SCFD2: variants seen among roughly 807,000 people sequenced by gnomAD.
The protein encoded by SCFD2 is sec1 family domain-containing protein 2.
Under a neutral mutation model 58.9 loss-of-function variants are expected in SCFD2, and 54 were observed. The ratio of observed to expected loss-of-function variants is 0.92; its 90% confidence interval spans 0.74 to 1.15. SCFD2 has a LOEUF of 1.15. Among genes scored for constraint, SCFD2 ranks in the 50% most tolerant of loss-of-function variants. The pLI is 0.00. For synonymous variants in SCFD2, 321 were observed against 335.9 expected (o/e 0.96, Z 0.49); for missense variants, 805 against 836.6 (o/e 0.96, Z 0.47).
At chr4:52,936,064 C>A (rs1035483463) in intron 5 of SCFD2, among the ~76,000 whole-genome samples, 1 of 151,952 alleles carries the variant, frequency 6.6e-6, no homozygotes, top group Non-Finnish European at 1.5e-5. Context: ...CTCAAACTCC[C>A]GACCTCAGAT....
chr4:53,084,963 CT>C (rs917678468), intron 5 of SCFD2, among the ~76,000 whole-genome samples: 2 of 152,154 alleles, frequency 1.3e-5, no homozygotes, highest in Non-Finnish European at 2.9e-5. Flanking sequence ...AGCCTTTCCT[CT>C]AAGATCTGGA....
intron 4 of SCFD2, among the ~76,000 whole-genome samples, chr4:53,161,837 A>G (rs1289853094): frequency 6.6e-6 from 1 of 152,198 alleles, no homozygotes; most frequent in African/African-American, 2.4e-5. Flanking sequence ...TCATCAATCA[A>G]TTACAATGAT....
In SCFD2 at chr4:52,931,516, C is replaced by T. The variant is rs538555891; in HGVS notation, c.1562-10646G>A. Among the ~76,000 whole-genome samples, 12 of 152,334 alleles carry T rather than the reference C, an allele frequency of 7.9e-5. No homozygotes were observed. In the South Asian group the frequency reaches 2.3e-3, roughly 29 times the overall value. ...TTTGCTTACTTCTTGTTTCCCACCACCCCCCTCCGCCTCCGGGTGGGGAGT... is the reference window on the plus strand; with the variant it reads ...TTTGCTTACTTCTTGTTTCCCACCATCCCCCTCCGCCTCCGGGTGGGGAGT... On this transcript the variant is annotated intron_variant, in intron 5 of 8. Transcript: ENST00000401642.
At chr4:53,031,121 G>C (rs1281600877) in intron 5 of SCFD2, among the ~76,000 whole-genome samples, 1 of 152,138 alleles carries the variant, frequency 6.6e-6, no homozygotes. Context: ...GCCTCCACTG[G>C]TGATACCCAG....
chr4:53,360,166 A>G (rs1241298485), intron 1 of SCFD2, among the ~76,000 whole-genome samples: 2 of 152,236 alleles, frequency 1.3e-5, no homozygotes, highest in East Asian at 1.9e-4. Flanking sequence ...CTGAAAATCA[A>G]TCCTGTATAT....
At chr4:53,246,840 T>A (rs1226309044) in intron 4 of SCFD2, among the ~76,000 whole-genome samples, 2 of 151,298 alleles carry the variant, frequency 1.3e-5, no homozygotes, top group African/African-American at 2.4e-5. Flanking sequence ...AAGAAAAAAA[T>A]TATAAATGGG....
chr4:53,253,707 A>T (rs1730487071), intron 4 of SCFD2, among the ~76,000 whole-genome samples: 1 of 130,312 alleles, frequency 7.7e-6, no homozygotes, highest in African/African-American at 2.9e-5. Context: ...CATGGACACC[A>T]GAAGGGGAAC....
intron 2 of SCFD2, among the ~76,000 whole-genome samples, chr4:53,343,975 A>G (rs1279747376): frequency 6.6e-6 from 1 of 152,198 alleles, no homozygotes; most frequent in Non-Finnish European, 1.5e-5. Flanking sequence ...ATCTATGACA[A>G]ACCCACAGCC....
At chr4:53,119,576 C>T (rs887287817) in intron 5 of SCFD2, among the ~76,000 whole-genome samples, 2 of 152,118 alleles carry the variant, frequency 1.3e-5, no homozygotes, top group Admixed American at 1.3e-4. Context: ...CTTAAAACTC[C>T]TGTGGTTTGA....
chr4:53,111,247 G>C (rs1312912859), intron 5 of SCFD2, among the ~76,000 whole-genome samples: 1 of 152,018 alleles, frequency 6.6e-6, no homozygotes, highest in African/African-American at 2.4e-5. Flanking sequence ...GTGATGGGTT[G>C]ATGGGTCCAG....
chr4:52,880,292 T>A (rs954664766), intron 8 of SCFD2, among the ~76,000 whole-genome samples: 2 of 152,066 alleles, frequency 1.3e-5, no homozygotes, highest in Admixed American at 6.5e-5. Context: ...AAACTATTTT[T>A]TTTTTTTTTA....
chr4:52,959,137 T>C lies in SCFD2; in HGVS notation c.1562-38267A>G, dbSNP rs187437265. ...GTCCATATGTTTAACCACTATGCTA[T>C]GATGCCTCTTACAAGACAGGCAGAC... On this transcript the variant is annotated intron_variant, in intron 5 of 8. Transcript: ENST00000401642. 5.3e-5 allele frequency among the ~76,000 whole-genome samples: 8 copies of C among 152,312 alleles called. No homozygotes were observed. The East Asian group carries it at 1.5e-3, about 29-fold the overall frequency.
chr4:53,206,850 AAAATT>A (rs1354730459), intron 4 of SCFD2, among the ~76,000 whole-genome samples: 1 of 152,144 alleles, frequency 6.6e-6, no homozygotes, highest in African/African-American at 2.4e-5. Context: ...TTGCCTGCTA[AAAATT>A]AAATTAACAG....
intron 6 of SCFD2, among the ~76,000 whole-genome samples, chr4:52,919,263 T>C (rs1316107550): frequency 6.6e-6 from 1 of 152,238 alleles, no homozygotes; most frequent in Non-Finnish European, 1.5e-5. Context: ...CTTTGCCAAC[T>C]ACACCAGCCA....
At chr4:53,336,015 G>A (rs1203236107) in intron 2 of SCFD2, among the ~76,000 whole-genome samples, 1 of 152,126 alleles carries the variant, frequency 6.6e-6, no homozygotes, top group Non-Finnish European at 1.5e-5. Context: ...TATATTTAAA[G>A]CACGGGGATC....
intron 5 of SCFD2, among the ~76,000 whole-genome samples, chr4:53,098,989 C>G (rs1330458039): frequency 6.6e-6 from 1 of 152,150 alleles, no homozygotes; most frequent in African/African-American, 2.4e-5. Flanking sequence ...TTGGCTGTCT[C>G]CTCCAGCTAA....
chr4:53,352,736 A>C lies in SCFD2; in HGVS notation c.869T>G (p.Val290Gly), dbSNP rs1285484202. The C allele has an allele frequency of 1.9e-6, 3 of 1,614,008 alleles. No individual in the cohort carries two copies. The African/African-American group carries it at 4.0e-5, about 22-fold the overall frequency. The change falls in exon 2 of 9, where the codon GTA (valine) becomes GGA (glycine). Residue 290 changes from valine to glycine, a missense_variant. By Grantham distance (109) the Val-to-Gly change is moderately radical (BLOSUM62 -3). Transcript: ENST00000401642. ...GAVGHHGDNL[V>G]EKIISALPQL... is the part of the protein sequence containing the mutation. ...GGGAAGTGCTGAAATGATCTTCTCT[A>C]CTAAGTTGTCTCCATGATGTCCAAC...
At chr4:53,296,122 G>A (rs1732021252) in intron 3 of SCFD2, among the ~76,000 whole-genome samples, 1 of 152,128 alleles carries the variant, frequency 6.6e-6, no homozygotes, top group Admixed American at 6.5e-5. Context: ...TCTCTGTCAG[G>A]TTTTGGTATC....
At chr4:52,910,359 A>C (rs1719456324) in intron 6 of SCFD2, among the ~76,000 whole-genome samples, 2 of 151,946 alleles carry the variant, frequency 1.3e-5, no homozygotes, top group African/African-American at 4.9e-5. Context: ...GAGCTGGAGA[A>C]ACCTTGGTAA....
Sources: gnomAD v4.1 joint callset for allele counts (sites outside exome capture counted in the v4.1 genomes callset) on GRCh38, gnomAD v4.1.1 for gene constraint, MANE v1.5 for transcripts, NCBI Gene and HGNC (gene_info 2026-07-23, HGNC 2026-07-21) for gene names.